Variants in DGKB observed in about 807,000 individuals in gnomAD.
The protein encoded by DGKB is diacylglycerol kinase beta, also known as 90 kDa diacylglycerol kinase.
DGKB carries 67 observed loss-of-function variants against 114.3 expected under a neutral mutation model. The ratio of observed to expected loss-of-function variants is 0.59; its 90% CI spans 0.48 to 0.72. The LOEUF (loss-of-function observed/expected upper bound fraction) is 0.72. Among genes scored for constraint, DGKB ranks in the 30% least tolerant of loss-of-function variants. DGKB has a pLI of 0.00. For synonymous variants in DGKB, 398 were observed against 323.1 expected (o/e 1.23, Z -2.49); for missense variants, 907 against 975.2 (o/e 0.93, Z 0.93).
chr7:14,613,303 A>G, intron 16 of DGKB, 37 bp downstream of exon 16: 1 of 1,263,728 alleles, frequency 7.9e-7, no homozygotes. Context: ...TTTTACATAT[A>G]CATGACATAG....
At chr7:14,678,364 G>A (rs942608481) in intron 12 of DGKB, among the ~76,000 whole-genome samples, 12 of 152,014 alleles carry the variant, frequency 7.9e-5, no homozygotes, top group African/African-American at 2.4e-4. Flanking sequence ...ATATATTAGC[G>A]TCAAGAAAAA....
chr7:14,220,825 TTTC>T (rs1321165560), intron 23 of DGKB, among the ~76,000 whole-genome samples: 3 of 149,310 alleles, frequency 2.0e-5, no homozygotes, highest in Non-Finnish European at 3.0e-5. Flanking sequence ...TTTCAAATGT[TTTC>T]TTTCTTTTAA....
chr7:14,543,458 AC>A (rs533968367), intron 20 of DGKB, among the ~76,000 whole-genome samples: 372 of 152,108 alleles, frequency 2.4e-3, no homozygotes, highest in African/African-American at 8.1e-3. Context: ...AAAAACAAAA[AC>A]AAAAAAAAAG....
intron 1 of DGKB, among the ~76,000 whole-genome samples, chr7:14,925,006 A>G (rs1784681518): frequency 6.6e-6 from 1 of 152,212 alleles, no homozygotes; most frequent in Non-Finnish European, 1.5e-5. Context: ...AATTTGTTAT[A>G]TAAATAGAAT....
At chr7:14,153,175 G>C (rs1465703895) in intron 25 of DGKB, among the ~76,000 whole-genome samples, 1 of 152,020 alleles carries the variant, frequency 6.6e-6, no homozygotes, top group Non-Finnish European at 1.5e-5. Flanking sequence ...GACAGTATTT[G>C]GTTCAGCTCG....
chr7:14,952,887 T>G lies in DGKB; in HGVS notation c.-188+21809A>C, dbSNP rs535545548. 2.6e-5 allele frequency among the ~76,000 whole-genome samples: 4 copies of G among 152,248 alleles called. No individual in the cohort carries two copies. The South Asian group carries it at 8.3e-4, about 32-fold the overall frequency. On this transcript the variant is annotated intron_variant, in intron 1 of 4. Transcript: ENST00000437998. ...GGATATTATATAAATCAATGGAATA[T>G]AATTGGAAATCTAGAAATAAACCAT...
intron 13 of DGKB, among the ~76,000 whole-genome samples, chr7:14,665,901 T>A (rs1817933939): frequency 1.3e-5 from 2 of 152,104 alleles, no homozygotes; most frequent in African/African-American, 4.8e-5. Flanking sequence ...TCAAAGGGAT[T>A]CTATAGGCCT....
intron 21 of DGKB, among the ~76,000 whole-genome samples, chr7:14,369,166 C>T (rs1475685961): frequency 2.0e-5 from 3 of 151,894 alleles, no homozygotes; most frequent in Non-Finnish European, 4.4e-5. Flanking sequence ...TGAGAACATG[C>T]GGTGTTTGAT....
chr7:14,638,045 A>T (rs1447581628), intron 13 of DGKB, among the ~76,000 whole-genome samples: 1 of 152,136 alleles, frequency 6.6e-6, no homozygotes, highest in Non-Finnish European at 1.5e-5. Flanking sequence ...CTTAAATTAT[A>T]TTTAAAAATC....
intron 25 of DGKB, chr7:14,176,267 A>G: frequency 3.3e-6 from 3 of 921,822 alleles, no homozygotes; most frequent in Non-Finnish European, 3.9e-6. Flanking sequence ...TTGAAATGCA[A>G]TAAAATATTC....
intron 10 of DGKB, among the ~76,000 whole-genome samples, chr7:14,684,374 C>T (rs1230270180): frequency 1.3e-5 from 2 of 152,052 alleles, no homozygotes; most frequent in Admixed American, 1.3e-4. Flanking sequence ...ATCTAATGAA[C>T]TTGACAGTTT....
intron 1 of DGKB, among the ~76,000 whole-genome samples, chr7:14,844,809 T>C (rs1170847743): frequency 1.3e-5 from 2 of 151,926 alleles, no homozygotes; most frequent in Admixed American, 6.5e-5. Context: ...TGCTCTGAAA[T>C]TAATTAAAAT....
At chr7:14,398,615 C>A (rs1822603855) in intron 21 of DGKB, among the ~76,000 whole-genome samples, 1 of 151,836 alleles carries the variant, frequency 6.6e-6, no homozygotes, top group South Asian at 2.1e-4. Flanking sequence ...AAATCATCTA[C>A]AGAAGTAAAA....
intron 21 of DGKB, among the ~76,000 whole-genome samples, chr7:14,461,369 TAAAGA>T (rs1256034669): frequency 2.1e-5 from 3 of 145,258 alleles, no homozygotes; most frequent in Non-Finnish European, 4.5e-5. Flanking sequence ...GCCAGATGAA[TAAAGA>T]AAAGAGAGAA....
At chr7:14,745,976 G>A (rs912918396) in intron 4 of DGKB, among the ~76,000 whole-genome samples, 2 of 152,088 alleles carry the variant, frequency 1.3e-5, no homozygotes, top group African/African-American at 2.4e-5. Context: ...AGTTCTCTCT[G>A]GCTCAGCAAG....
At chr7:14,176,519 A>G in intron 25 of DGKB, 1 of 1,032,446 alleles carries the variant, frequency 9.7e-7, no homozygotes, top group Non-Finnish European at 1.2e-6. Context: ...AATAAACAAA[A>G]AAGTTTCAGA....
At chr7:14,860,334 T>C (rs944964289) in intron 1 of DGKB, among the ~76,000 whole-genome samples, 1 of 152,194 alleles carries the variant, frequency 6.6e-6, no homozygotes, top group Middle Eastern at 3.4e-3. Flanking sequence ...ATCACCTGCC[T>C]TGTAACATAA....
chr7:14,290,011 A>T (rs1449737354), intron 23 of DGKB, among the ~76,000 whole-genome samples: 1 of 152,138 alleles, frequency 6.6e-6, no homozygotes, highest in African/African-American at 2.4e-5. Context: ...CTATATTCCA[A>T]CCCAAAATAT....
chr7:14,916,356 T>C (rs1784239491), intron 1 of DGKB, among the ~76,000 whole-genome samples: 1 of 152,032 alleles, frequency 6.6e-6, no homozygotes, highest in African/African-American at 2.4e-5. Flanking sequence ...ATTATATAAA[T>C]AGTCATTTTT....
Sources: allele counts gnomAD v4.1 joint callset (sites outside exome capture counted in the v4.1 genomes callset), GRCh38; gene constraint gnomAD v4.1.1; transcripts MANE v1.5; gene names NCBI Gene and HGNC (gene_info 2026-07-23, HGNC 2026-07-21).